The following EYS variants were observed in gnomAD, a reference collection of about 807,000 sequenced individuals.
EYS encodes EGF-like photoreceptor maintenance factor.
In EYS, 250 loss-of-function variants were observed where a neutral mutation model predicts 282.1. The ratio of observed to expected loss-of-function variants is 0.89; its 90% CI spans 0.80 to 0.98. The LOEUF is 0.98. EYS is among the 50% of genes least tolerant of loss of function. The pLI is 0.00. For synonymous variants in EYS, 1,355 were observed against 1,282.9 expected (o/e 1.06, Z -1.20); for missense variants, 4,016 against 3,709.0 (o/e 1.08, Z -2.15).
chr6:63,874,918 C>T (rs1251955379), intron 35 of EYS, among the ~76,000 whole-genome samples: 9 of 152,262 alleles, frequency 5.9e-5, no homozygotes, highest in East Asian at 1.9e-4. Flanking sequence ...CATCTGCAAA[C>T]GGGGACAATT....
intron 30 of EYS, among the ~76,000 whole-genome samples, chr6:64,289,338 GC>G (rs933675453): frequency 6.6e-6 from 1 of 151,908 alleles, no homozygotes; most frequent in African/African-American, 2.4e-5. Flanking sequence ...TGTCTTTTGG[GC>G]AACATAAAAT....
chr6:65,241,292 T>C (rs1767051971), intron 12 of EYS, among the ~76,000 whole-genome samples: 1 of 152,166 alleles, frequency 6.6e-6, no homozygotes, highest in African/African-American at 2.4e-5. Context: ...TTTGCTAGTT[T>C]TCTCTTTTCT....
chr6:65,202,604 T>A (rs1765929647), intron 12 of EYS, among the ~76,000 whole-genome samples: 1 of 152,178 alleles, frequency 6.6e-6, no homozygotes, highest in East Asian at 1.9e-4. Flanking sequence ...GTCCACACTG[T>A]CAAAACATAG....
intron 28 of EYS, among the ~76,000 whole-genome samples, chr6:64,410,298 C>T (rs1477858143): frequency 6.6e-6 from 1 of 152,070 alleles, no homozygotes; most frequent in Admixed American, 6.6e-5. Context: ...ATTTTCTTAC[C>T]ATGGAATGAG....
chr6:65,007,022 A>C (rs750070370), intron 13 of EYS, among the ~76,000 whole-genome samples: 2 of 152,164 alleles, frequency 1.3e-5, no homozygotes, highest in South Asian at 4.1e-4. Flanking sequence ...TCTAGGACTC[A>C]CCCTGAGTGC....
intron 16 of EYS, among the ~76,000 whole-genome samples, chr6:64,905,841 T>C (rs1486519169): frequency 6.6e-6 from 1 of 152,058 alleles, no homozygotes; most frequent in Non-Finnish European, 1.5e-5. Context: ...TTGGTATTAG[T>C]TGGAATAATT....
intron 12 of EYS, among the ~76,000 whole-genome samples, chr6:65,083,888 T>C (rs1303565584): frequency 6.6e-6 from 1 of 151,790 alleles, no homozygotes; most frequent in Non-Finnish European, 1.5e-5. Flanking sequence ...TTGCCAAATT[T>C]TTATATTACT....
chr6:64,708,028 G>A (rs755985291), intron 22 of EYS, among the ~76,000 whole-genome samples: 5 of 151,872 alleles, frequency 3.3e-5, no homozygotes, highest in Admixed American at 1.3e-4. Context: ...AAAAAAACCC[G>A]GATAAACATG....
At chr6:65,165,688 T>C (rs977587136) in intron 12 of EYS, among the ~76,000 whole-genome samples, 1 of 151,042 alleles carries the variant, frequency 6.6e-6, no homozygotes, top group African/African-American at 2.4e-5. Context: ...CCCAGAAAGA[T>C]TAGGAACAGA....
intron 12 of EYS, among the ~76,000 whole-genome samples, chr6:65,173,139 T>C (rs1021830759): frequency 2.0e-5 from 3 of 151,418 alleles, no homozygotes; most frequent in Non-Finnish European, 3.0e-5. Context: ...GCCTAAGAGT[T>C]GCAATGGATA....
At chr6:64,042,447 T>C (rs977113907) in intron 33 of EYS, among the ~76,000 whole-genome samples, 2 of 152,180 alleles carry the variant, frequency 1.3e-5, no homozygotes, top group African/African-American at 2.4e-5. Flanking sequence ...TTACTTTTCA[T>C]GGTAGAGTCA....
intron 26 of EYS, among the ~76,000 whole-genome samples, chr6:64,488,605 T>C (rs879494831): frequency 7.9e-5 from 12 of 150,980 alleles, no homozygotes; most frequent in Non-Finnish European, 1.3e-4. Flanking sequence ...AAAATTCTCA[T>C]GTATAAATAA....
chr6:64,081,857 G>A lies in EYS; in HGVS notation c.6570C>T (p.Tyr2190=), dbSNP rs892427334. ...AGAAGTCAAACATTTAATACTCACT[G>A]TAAAGAATAGTTCCATTTAAACTGT... ...KTNSLNGTIL[Y]SNGNNCGKQF... The change falls in exon 32 of 43, where the codon TAC becomes TAT. Residue 2190 remains tyrosine (Y), a splice_region_variant and synonymous_variant. Transcript: ENST00000503581. 4 of 1,517,360 alleles carry A rather than the reference G, an allele frequency of 2.6e-6. No individual in the cohort carries two copies. In the African/African-American group the frequency reaches 4.2e-5, roughly 16 times the overall value. 94.0% of individuals were successfully genotyped at this position (1,517,360 alleles called of 1,614,324 possible). A position where few individuals can be genotyped will look rare whatever the true frequency, so the allele number is the denominator to read the frequency against.
At chr6:65,606,877 C>G (rs1360238667) in intron 2 of EYS, among the ~76,000 whole-genome samples, 1 of 26,210 alleles carries the variant, frequency 3.8e-5, no homozygotes, top group Non-Finnish European at 6.6e-5. Context: ...TTAGTCTCTT[C>G]CAAAGTATTT....
chr6:64,896,774 T>C (rs1211600160), intron 18 of EYS, among the ~76,000 whole-genome samples: 1 of 151,920 alleles, frequency 6.6e-6, no homozygotes, highest in African/African-American at 2.4e-5. Flanking sequence ...GGGAGGGGCG[T>C]CTGCCATTAT....
At position 65,208,719 on chromosome 6, in the gene EYS, C is replaced by A. The variant is rs186951382; in HGVS notation, c.2023+87144G>T. 1.2e-3 allele frequency among the ~76,000 whole-genome samples: 181 copies of A among 151,126 alleles called. 1 individual carries two copies. The highest frequency in any genetic ancestry group is 2.0e-3 in the Admixed American group (30 of 15,140). ...ACAAACAGAAAAATCAGTACCACACCTTCTCACTTATGAGTGGGAGCTAAA... is the reference window on the plus strand; with the variant it reads ...ACAAACAGAAAAATCAGTACCACACATTCTCACTTATGAGTGGGAGCTAAA... On this transcript the variant is annotated intron_variant, in intron 12 of 42. Coordinates refer to ENST00000503581, the MANE Select transcript of EYS (RefSeq NM_001142800.2).
In EYS at chr6:64,581,504, C is replaced by T. The variant is rs182078864; in HGVS notation, c.5644+8719G>A. ...ATTTTATTTGCTGTTTAATGTCATT[C>T]TATGTAAGAAAAATTTTCAAATATT... On this transcript the variant is annotated intron_variant, in intron 26 of 42. Coordinates refer to ENST00000503581, the MANE Select transcript of EYS (RefSeq NM_001142800.2). Among the ~76,000 whole-genome samples, 900 of 152,104 alleles carry T rather than the reference C, an allele frequency of 5.9e-3. 4 individuals are homozygous for T. The highest frequency in any genetic ancestry group is 0.02 in the African/African-American group (819 of 41,512).
chr6:65,580,420 T>C (rs1419222202), intron 2 of EYS, among the ~76,000 whole-genome samples: 2 of 152,064 alleles, frequency 1.3e-5, no homozygotes, highest in Non-Finnish European at 2.9e-5. Flanking sequence ...AGCCTGAAAT[T>C]AGGAAGATTT....
At chr6:65,377,701 C>T (rs527730479) in intron 8 of EYS, among the ~76,000 whole-genome samples, 16 of 151,918 alleles carry the variant, frequency 1.1e-4, no homozygotes, top group African/African-American at 2.7e-4. Flanking sequence ...ATATCAACAC[C>T]GATCCCACAG....
Sources: allele counts gnomAD v4.1 joint callset (sites outside exome capture counted in the v4.1 genomes callset), GRCh38; gene constraint gnomAD v4.1.1; transcripts MANE v1.5; gene names NCBI Gene and HGNC (gene_info 2026-07-23, HGNC 2026-07-21).